The following SLC24A2 variants were observed in gnomAD, a reference collection of about 807,000 sequenced individuals.
The protein encoded by SLC24A2 is sodium/potassium/calcium exchanger 2.
In SLC24A2, 36 loss-of-function variants were observed where a neutral mutation model predicts 62.0. The ratio of observed to expected loss-of-function variants is 0.58; its 90% CI spans 0.44 to 0.77. SLC24A2 has a LOEUF of 0.77. Among genes scored for constraint, SLC24A2 ranks in the 30% least tolerant of loss-of-function variants. The pLI, the probability that SLC24A2 is intolerant of heterozygous loss-of-function variation, is 0.00. For missense variants in SLC24A2, 846 were observed against 817.9 expected, an observed-to-expected ratio of 1.03 and a Z score of -0.42; for synonymous variants, 358 against 294.0, an observed-to-expected ratio of 1.22 and a Z score of -2.23.
chr9:19,668,631 C>T (rs781535298), intron 2 of SLC24A2, among the ~76,000 whole-genome samples: 23 of 152,268 alleles, frequency 1.5e-4, no homozygotes, highest in Middle Eastern at 3.4e-3. Context: ...CCTCAAATTC[C>T]CAGGCTCAAA....
the SLC24A2 span, among the ~76,000 whole-genome samples, chr9:20,167,045 G>C: frequency 6.6e-6 from 1 of 151,730 alleles, no homozygotes; most frequent in Non-Finnish European, 1.5e-5. Context: ...GAACTCCTAG[G>C]CCCAAGCAAT....
the SLC24A2 span, among the ~76,000 whole-genome samples, chr9:20,031,715 C>T: frequency 2.0e-5 from 3 of 152,042 alleles, no homozygotes; most frequent in East Asian, 5.8e-4. Flanking sequence ...ATTCCCAGGT[C>T]CCCAGGGATA....
At chr9:19,902,091 T>C in the SLC24A2 span, among the ~76,000 whole-genome samples, 2 of 152,112 alleles carry the variant, frequency 1.3e-5, no homozygotes, top group African/African-American at 4.8e-5. Flanking sequence ...TGTTTATAAT[T>C]TGGTATTTTA....
chr9:19,740,759 T>C (rs1393950445), intron 2 of SLC24A2, among the ~76,000 whole-genome samples: 2 of 152,024 alleles, frequency 1.3e-5, no homozygotes, highest in African/African-American at 2.4e-5. Flanking sequence ...AAAGAAAACA[T>C]GGAGTGGCCA....
the SLC24A2 span, among the ~76,000 whole-genome samples, chr9:20,114,632 T>C: frequency 2.0e-5 from 3 of 152,176 alleles, no homozygotes; most frequent in African/African-American, 7.2e-5. Context: ...TGTTAATTAA[T>C]TCATTTATTC....
chr9:20,074,605 A>AAGGAAGGAAG, the SLC24A2 span, among the ~76,000 whole-genome samples: 1,538 of 52,956 alleles, frequency 0.029, 63 homozygotes, highest in Middle Eastern at 0.044. Context: ...AAGGAAGGAA[A>AAGGAAGGAAG]GAAGGGAGTG....
At chr9:19,757,899 G>C (rs1320568742) in intron 2 of SLC24A2, among the ~76,000 whole-genome samples, 2 of 151,982 alleles carry the variant, frequency 1.3e-5, no homozygotes, top group African/African-American at 4.8e-5. Flanking sequence ...CTCTAGAGTG[G>C]GTTGTTACAA....
chr9:20,284,054 G>C, the SLC24A2 span, among the ~76,000 whole-genome samples: 1 of 152,100 alleles, frequency 6.6e-6, no homozygotes, highest in South Asian at 2.1e-4. Flanking sequence ...TCAGTGGCTT[G>C]ACTCTCCGTG....
chr9:19,674,699 C>T (rs903891900), intron 2 of SLC24A2, among the ~76,000 whole-genome samples: 21 of 152,142 alleles, frequency 1.4e-4, no homozygotes, highest in Admixed American at 1.2e-3. Flanking sequence ...TGTGTCCTTC[C>T]TTTCCAGAAG....
At chr9:20,183,529 A>C in the SLC24A2 span, among the ~76,000 whole-genome samples, 3 of 152,366 alleles carry the variant, frequency 2.0e-5, no homozygotes, top group East Asian at 5.8e-4. Flanking sequence ...TTTCCTAAAC[A>C]TACTTGACAA....
At chr9:19,713,592 A>G (rs999097072) in intron 2 of SLC24A2, among the ~76,000 whole-genome samples, 1 of 144,286 alleles carries the variant, frequency 6.9e-6, no homozygotes, top group Non-Finnish European at 1.5e-5. Context: ...CCTTTGAGCA[A>G]AAGACCTTTT....
chr9:20,265,134 T>C, the SLC24A2 span, among the ~76,000 whole-genome samples: 2 of 152,256 alleles, frequency 1.3e-5, no homozygotes, highest in African/African-American at 4.8e-5. Context: ...AATGGCTGCC[T>C]GCCTGCACTT....
At chr9:19,587,566 G>A (rs1217103739) in intron 5 of SLC24A2, among the ~76,000 whole-genome samples, 1 of 152,152 alleles carries the variant, frequency 6.6e-6, no homozygotes, top group East Asian at 1.9e-4. Flanking sequence ...ACTAAAATGA[G>A]ATGATTAGGT....
the SLC24A2 span, among the ~76,000 whole-genome samples, chr9:20,219,500 C>T: frequency 1.3e-4 from 20 of 152,266 alleles, no homozygotes; most frequent in Admixed American, 1.0e-3. Flanking sequence ...AAAATGTCCT[C>T]GGTTGAATGG....
intron 2 of SLC24A2, among the ~76,000 whole-genome samples, chr9:19,625,377 C>G (rs1310663673): frequency 1.3e-5 from 2 of 152,112 alleles, no homozygotes; most frequent in Non-Finnish European, 2.9e-5. Flanking sequence ...TTAAGCCAAT[C>G]TATAGTACAC....
chr9:19,716,364 T>C (rs758515300), intron 2 of SLC24A2, among the ~76,000 whole-genome samples: 1 of 152,228 alleles, frequency 6.6e-6, no homozygotes, highest in African/African-American at 2.4e-5. Flanking sequence ...TCATTCAGCA[T>C]ACTTATTGTG....
the SLC24A2 span, among the ~76,000 whole-genome samples, chr9:20,017,493 GAACT>G: frequency 1.3e-5 from 2 of 152,168 alleles, no homozygotes; most frequent in African/African-American, 4.8e-5. Context: ...TAAAGGGACA[GAACT>G]AATAGGATAG....
At chr9:20,160,729 T>C in the SLC24A2 span, among the ~76,000 whole-genome samples, 1 of 151,154 alleles carries the variant, frequency 6.6e-6, no homozygotes, top group Non-Finnish European at 1.5e-5. Flanking sequence ...AAAACCTACG[T>C]ATTAGAATCT....
At chr9:19,589,904 G>T (rs1340438612) in intron 5 of SLC24A2, among the ~76,000 whole-genome samples, 1 of 152,106 alleles carries the variant, frequency 6.6e-6, no homozygotes. Context: ...AACACTCTTT[G>T]GGTGGAGGCT....
Sources: allele counts gnomAD v4.1 joint callset (sites outside exome capture counted in the v4.1 genomes callset), GRCh38; gene constraint gnomAD v4.1.1; transcripts MANE v1.5; gene names NCBI Gene and HGNC (gene_info 2026-07-23, HGNC 2026-07-21).